Variants in PPP1R12A observed in about 807,000 individuals in gnomAD.
PPP1R12A encodes protein phosphatase 1 regulatory subunit 12A.
A neutral mutation model predicts 139.6 loss-of-function variants in PPP1R12A; 19 were observed. The ratio of observed to expected loss-of-function variants is 0.14; its 90% CI spans 0.09 to 0.20. PPP1R12A has a LOEUF of 0.20. PPP1R12A is among the 10% of genes least tolerant of loss of function. The pLI is 1.00. For synonymous variants in PPP1R12A, 427 were observed against 420.6 expected (o/e 1.02, Z -0.19); for missense variants, 925 against 1,211.5 (o/e 0.76, Z 3.51).
At chr12:79,843,975 T>A (rs1413205634) in intron 3 of PPP1R12A, among the ~76,000 whole-genome samples, 1 of 152,174 alleles carries the variant, frequency 6.6e-6, no homozygotes, top group Non-Finnish European at 1.5e-5. Flanking sequence ...AGTGCTGGGA[T>A]TACAGGCATG....
intron 23 of PPP1R12A, 89 bp downstream of exon 23, chr12:79,781,726 C>A: frequency 2.9e-6 from 2 of 699,342 alleles, no homozygotes; most frequent in Non-Finnish European, 2.3e-6. Context: ...AACTGTCATC[C>A]ATAATAACAA....
chr12:79,920,172 A>G (rs891372276), intron 1 of PPP1R12A, among the ~76,000 whole-genome samples: 1 of 152,214 alleles, frequency 6.6e-6, no homozygotes, highest in Non-Finnish European at 1.5e-5. Flanking sequence ...CATGTTTAAG[A>G]TTCATCTTTG....
chr12:79,798,682 C>A, intron 14 of PPP1R12A, 98 bp from the exon 15 acceptor site: 1 of 548,942 alleles, frequency 1.8e-6, no homozygotes, highest in South Asian at 6.1e-5. Context: ...GGTTTAATAT[C>A]TTAGTAAGTT....
chr12:79,811,815 C>T (rs1378972718), intron 9 of PPP1R12A, among the ~76,000 whole-genome samples: 1 of 151,942 alleles, frequency 6.6e-6, no homozygotes, highest in Non-Finnish European at 1.5e-5. Flanking sequence ...CCATAGTTTG[C>T]CAACACCCAC....
intron 8 of PPP1R12A, among the ~76,000 whole-genome samples, 172 bp from the exon 9 acceptor site, chr12:79,817,690 C>T (rs1303526870): frequency 1.3e-5 from 2 of 152,108 alleles, no homozygotes; most frequent in Non-Finnish European, 2.9e-5. Flanking sequence ...AGACTTGTCT[C>T]TATATATATG....
At chr12:79,830,287 C>A (rs186381817) in intron 4 of PPP1R12A, among the ~76,000 whole-genome samples, 2 of 152,192 alleles carry the variant, frequency 1.3e-5, no homozygotes, top group African/African-American at 4.8e-5. Flanking sequence ...ACAAATGATA[C>A]ATACTTGGAT....
At chr12:79,815,073 CAG>C (rs1257427267) in intron 9 of PPP1R12A, among the ~76,000 whole-genome samples, 1 of 151,926 alleles carries the variant, frequency 6.6e-6, no homozygotes, top group African/African-American at 2.4e-5. Flanking sequence ...ACTATACTAA[CAG>C]AGGTTATAAA....
intron 24 of PPP1R12A, chr12:79,777,547 A>G: frequency 2.0e-6 from 2 of 985,332 alleles, no homozygotes; most frequent in Non-Finnish European, 2.4e-6. Flanking sequence ...AGTTGCCTAT[A>G]GAACCCTGAG....
At chr12:79,819,797 G>T (rs1450818769) in intron 8 of PPP1R12A, among the ~76,000 whole-genome samples, 1 of 152,054 alleles carries the variant, frequency 6.6e-6, no homozygotes, top group Non-Finnish European at 1.5e-5. Flanking sequence ...AATTAGATGT[G>T]CATGGTAACA....
chr12:79,868,101 CAATT>C lies in PPP1R12A; in HGVS notation c.368+4703_368+4706del, dbSNP rs1882180950. On this transcript the variant is annotated intron_variant, in intron 2 of 24. Coordinates refer to ENST00000450142, the MANE Select transcript of PPP1R12A (RefSeq NM_002480.3). ...CCAACTAATAAATAAAAAAGAATGA[CAATT>C]AAAATGTTACCATTGTATAGTTCCT... 2.0e-5 allele frequency among the ~76,000 whole-genome samples: 3 copies of C among 152,294 alleles called. No individual in the cohort carries two copies. In the South Asian group the frequency reaches 6.2e-4, roughly 32 times the overall value.
intron 1 of PPP1R12A, among the ~76,000 whole-genome samples, chr12:79,896,054 G>A (rs1346722099): frequency 6.6e-6 from 1 of 151,914 alleles, no homozygotes; most frequent in Non-Finnish European, 1.5e-5. Flanking sequence ...ATTTAATATT[G>A]CTGAAGGGTC....
chr12:79,794,834 G>A (rs1289306550), intron 18 of PPP1R12A, among the ~76,000 whole-genome samples: 2 of 152,000 alleles, frequency 1.3e-5, no homozygotes, highest in African/African-American at 4.8e-5. Flanking sequence ...ACATAAAATA[G>A]CATAGATATA....
chr12:79,848,152 A>C (rs1879626206), intron 2 of PPP1R12A, among the ~76,000 whole-genome samples: 1 of 152,182 alleles, frequency 6.6e-6, no homozygotes, highest in Non-Finnish European at 1.5e-5. Flanking sequence ...TATCATCTTT[A>C]TGGAAATTCT....
chr12:79,863,049 T>G (rs1488715363), intron 2 of PPP1R12A, among the ~76,000 whole-genome samples: 1 of 151,686 alleles, frequency 6.6e-6, no homozygotes, highest in Non-Finnish European at 1.5e-5. Flanking sequence ...AAGGAAAAAA[T>G]GTTAAGGGCA....
chr12:79,902,410 A>G (rs1179414524), intron 1 of PPP1R12A, among the ~76,000 whole-genome samples: 2 of 152,158 alleles, frequency 1.3e-5, no homozygotes, highest in Non-Finnish European at 2.9e-5. Context: ...TTTTTCTAGC[A>G]ATTTTATGCT....
chr12:79,802,600 T>C (rs368125340), intron 14 of PPP1R12A, among the ~76,000 whole-genome samples: 2 of 152,156 alleles, frequency 1.3e-5, no homozygotes, highest in African/African-American at 2.4e-5. Flanking sequence ...CTAGGCAACA[T>C]AGCAAGACTC....
chr12:79,798,112 T>C (rs891344582), intron 15 of PPP1R12A, among the ~76,000 whole-genome samples: 2 of 152,168 alleles, frequency 1.3e-5, no homozygotes, highest in African/African-American at 4.8e-5. Context: ...TTCATAGAAC[T>C]TTTAAATACT....
At chr12:79,933,661 G>A (rs915858130) in intron 1 of PPP1R12A, among the ~76,000 whole-genome samples, 2 of 152,188 alleles carry the variant, frequency 1.3e-5, no homozygotes, top group Non-Finnish European at 2.9e-5. Context: ...CTTAAAAATT[G>A]CTTTTTATGC....
intron 20 of PPP1R12A, 144 bp from the exon 21 acceptor site, chr12:79,788,927 T>C (rs1356711475): frequency 4.2e-6 from 3 of 711,332 alleles, no homozygotes; most frequent in Non-Finnish European, 4.3e-6. Flanking sequence ...TTGTGATATA[T>C]AATAAGTGGG....
Sources: allele counts gnomAD v4.1 joint callset (sites outside exome capture counted in the v4.1 genomes callset), GRCh38; gene constraint gnomAD v4.1.1; transcripts MANE v1.5; gene names NCBI Gene and HGNC (gene_info 2026-07-23, HGNC 2026-07-21).